Variants in EPHA6 observed in about 807,000 individuals in gnomAD.
The protein encoded by EPHA6 is ephrin type-A receptor 6.
In EPHA6, 50 loss-of-function variants were observed where a neutral mutation model predicts 112.0. That is an observed-to-expected ratio of 0.45 (90% CI 0.36 to 0.56). The LOEUF (loss-of-function observed/expected upper bound fraction) is 0.56. Among genes scored for constraint, EPHA6 ranks in the 20% least tolerant of loss-of-function variants. EPHA6 has a pLI of 0.00. For missense variants in EPHA6, 1,280 were observed against 1,417.4 expected, an observed-to-expected ratio of 0.90 and a Z score of 1.56; for synonymous variants, 529 against 490.7, an observed-to-expected ratio of 1.08 and a Z score of -1.03.
chr3:97,306,058 A>G (rs909004309), intron 5 of EPHA6, among the ~76,000 whole-genome samples: 5 of 151,844 alleles, frequency 3.3e-5, no homozygotes, highest in Non-Finnish European at 7.4e-5. Context: ...GAGACTCAGA[A>G]AATAAAAAGG....
At chr3:97,226,200 A>T in intron 3 of EPHA6, 64 bp from the exon 4 acceptor site, 1 of 1,357,760 alleles carries the variant, frequency 7.4e-7, no homozygotes, top group Non-Finnish European at 1.0e-6. Flanking sequence ...AGTATGTTGT[A>T]CATGTACAAA....
At chr3:97,192,978 A>G (rs1360434596) in intron 3 of EPHA6, among the ~76,000 whole-genome samples, 7 of 152,064 alleles carry the variant, frequency 4.6e-5, no homozygotes, top group African/African-American at 1.4e-4. Flanking sequence ...TGGGTTCTCT[A>G]TTCTGTTCCA....
intron 3 of EPHA6, among the ~76,000 whole-genome samples, chr3:97,149,819 T>G (rs1250701254): frequency 6.6e-6 from 1 of 150,406 alleles, no homozygotes; most frequent in East Asian, 1.9e-4. Context: ...TATGCCTAAT[T>G]TTTAAAGAGT....
intron 5 of EPHA6, among the ~76,000 whole-genome samples, chr3:97,375,780 A>G (rs1405791227): frequency 2.0e-5 from 3 of 152,160 alleles, no homozygotes; most frequent in Admixed American, 6.6e-5. Context: ...ATGCCCCAAC[A>G]TGGATGAATA....
chr3:97,139,334 C>A (rs1201835208), intron 3 of EPHA6, among the ~76,000 whole-genome samples: 1 of 152,160 alleles, frequency 6.6e-6, no homozygotes, highest in Non-Finnish European at 1.5e-5. Context: ...ATTACAACTT[C>A]TGACACCATT....
intron 3 of EPHA6, among the ~76,000 whole-genome samples, chr3:97,193,822 C>T (rs1194292625): frequency 6.6e-6 from 1 of 151,852 alleles, no homozygotes; most frequent in African/African-American, 2.4e-5. Flanking sequence ...TTCTTCTAAC[C>T]CCAGTTGTTT....
At chr3:96,825,974 A>T (rs1207565801) in intron 1 of EPHA6, among the ~76,000 whole-genome samples, 1 of 151,904 alleles carries the variant, frequency 6.6e-6, no homozygotes, top group African/African-American at 2.4e-5. Flanking sequence ...TAACGCTAAT[A>T]GATTATCCCT....
chr3:97,279,179 A>G (rs1055554356), intron 5 of EPHA6, among the ~76,000 whole-genome samples: 1 of 152,166 alleles, frequency 6.6e-6, no homozygotes, highest in African/African-American at 2.4e-5. Context: ...ATCCATTCCT[A>G]GTTTTGCTTT....
intron 6 of EPHA6, among the ~76,000 whole-genome samples, chr3:97,425,292 A>G (rs1320258432): frequency 1.3e-5 from 2 of 152,190 alleles, no homozygotes; most frequent in Non-Finnish European, 2.9e-5. Flanking sequence ...TTCTTCATGA[A>G]GGCTTCATCC....
At chr3:97,557,956 G>T (rs1023927464) in intron 11 of EPHA6, among the ~76,000 whole-genome samples, 3 of 151,858 alleles carry the variant, frequency 2.0e-5, no homozygotes, top group African/African-American at 7.2e-5. Flanking sequence ...GGAGCCACCT[G>T]CTCTGGTGGT....
chr3:97,009,660 A>T (rs1406687654), intron 3 of EPHA6, among the ~76,000 whole-genome samples: 1 of 152,246 alleles, frequency 6.6e-6, no homozygotes, highest in Non-Finnish European at 1.5e-5. Context: ...TGGCTTAAGC[A>T]GATTCCAGCT....
chr3:97,117,740 C>T (rs1431484799), intron 3 of EPHA6, among the ~76,000 whole-genome samples: 1 of 151,648 alleles, frequency 6.6e-6, no homozygotes, highest in Non-Finnish European at 1.5e-5. Context: ...AGATTGTGAT[C>T]TTAGCTGTAT....
At chr3:97,589,301 A>T (rs934985336) in intron 11 of EPHA6, among the ~76,000 whole-genome samples, 4 of 152,004 alleles carry the variant, frequency 2.6e-5, no homozygotes, top group Non-Finnish European at 5.9e-5. Flanking sequence ...TATATTTTTT[A>T]GGATGATTTG....
At chr3:96,864,376 G>C (rs1416225993) in intron 1 of EPHA6, among the ~76,000 whole-genome samples, 2 of 151,998 alleles carry the variant, frequency 1.3e-5, no homozygotes, top group Non-Finnish European at 2.9e-5. Context: ...CAACAAAAAG[G>C]AACAGTTGAA....
intron 3 of EPHA6, among the ~76,000 whole-genome samples, chr3:97,068,751 A>G (rs1437457850): frequency 6.6e-6 from 1 of 151,996 alleles, no homozygotes; most frequent in Non-Finnish European, 1.5e-5. Flanking sequence ...CGGGTAGAAC[A>G]CTCATGACAG....
Position 96,974,312 on chromosome 3 carries a change from T to G in EPHA6, c.451-13018T>G, listed in dbSNP as rs918554428. 1.0e-4 allele frequency among the ~76,000 whole-genome samples: 15 copies of G among 149,596 alleles called. No individual in the cohort carries two copies. In the South Asian group the frequency reaches 3.1e-3, roughly 31 times the overall value. On this transcript the variant is annotated intron_variant, in intron 2 of 17. Coordinates refer to ENST00000389672, the MANE Select transcript of EPHA6 (RefSeq NM_001080448.3). ...CTTGCTATGGAAATGAAAATTTATA[T>G]GTTGATGGGGAAGGGTTTTTAGAGA...
At chr3:97,363,232 AT>A (rs2084500057) in intron 5 of EPHA6, among the ~76,000 whole-genome samples, 7 of 70,556 alleles carry the variant, frequency 9.9e-5, no homozygotes, top group Admixed American at 1.6e-4. Flanking sequence ...ATATATATAT[AT>A]ATATAAATCT....
intron 2 of EPHA6, among the ~76,000 whole-genome samples, chr3:96,932,417 G>C (rs1234778460): frequency 6.6e-6 from 1 of 152,090 alleles, no homozygotes; most frequent in African/African-American, 2.4e-5. Context: ...CAATTATTCA[G>C]CTTACCTTTT....
At chr3:97,170,192 G>T (rs1370764543) in intron 3 of EPHA6, among the ~76,000 whole-genome samples, 1 of 152,010 alleles carries the variant, frequency 6.6e-6, no homozygotes, top group Non-Finnish European at 1.5e-5. Context: ...GTTCTATATG[G>T]AAGGGAATTG....
Sources: gnomAD v4.1 joint callset for allele counts (sites outside exome capture counted in the v4.1 genomes callset) on GRCh38, gnomAD v4.1.1 for gene constraint, MANE v1.5 for transcripts, NCBI Gene and HGNC (gene_info 2026-07-23, HGNC 2026-07-21) for gene names.